SLC26A8: variants seen among roughly 807,000 people sequenced by gnomAD.
SLC26A8 encodes solute carrier family 26 member 8, also known as testis anion transporter 1.
A neutral mutation model predicts 105.0 loss-of-function variants in SLC26A8; 70 were observed. The ratio of observed to expected loss-of-function variants is 0.67; its 90% confidence interval spans 0.55 to 0.81. The LOEUF (loss-of-function observed/expected upper bound fraction) is 0.81, where lower values mean the gene tolerates loss of function less well. Ranked by LOEUF, SLC26A8 falls within the 40% of genes least tolerant of loss-of-function variation. The pLI, the probability that SLC26A8 is intolerant of heterozygous loss-of-function variation, is 0.00. For synonymous variants in SLC26A8, 415 were observed against 438.3 expected (o/e 0.95, Z 0.66); for missense variants, 998 against 1,181.8 (o/e 0.84, Z 2.28).
chr6:35,967,183 T>A (rs187068956), intron 11 of SLC26A8, among the ~76,000 whole-genome samples: 2 of 152,234 alleles, frequency 1.3e-5, no homozygotes, highest in Admixed American at 6.5e-5. Context: ...GGTCCTTGAA[T>A]CATATGAGCA....
chr6:35,982,153 G>A lies in SLC26A8; in HGVS notation c.993C>T (p.Thr331=). 6.2e-7 allele frequency: 1 copy of A among 1,614,148 alleles called. No homozygotes were observed. The highest frequency in any genetic ancestry group is 1.3e-5 in the African/African-American group (1 of 75,040). Residue 331 remains threonine (T), a synonymous_variant, in exon 8 of 20, where the codon ACC becomes ACT. Transcript: ENST00000490799. The part of the protein sequence containing the change: ...IANKISMATE[T]SQTLIDMIPY... ...GAATCATGTCAATAAGCGTCTGGCT[G>A]GTTTCTGTGGCCATGCTTATCTTGT...
In SLC26A8 at chr6:35,992,662, C is replaced by A. The variant is rs150075304; in HGVS notation, c.640G>T (p.Val214Leu). The change falls in exon 6 of 20, where the codon GTA becomes TTA. Residue 214 changes from valine (V) to leucine (L), a missense_variant. Physicochemically the swap from Val to Leu is conservative, Grantham distance 32. Transcript: ENST00000490799. Reference sequence around the variant, plus strand: ...GTGGCAATGAAGCCCAAACCCAATACGCCCATTATTAGCTGCAGAGAAGAG... The same window carrying A: ...GTGGCAATGAAGCCCAAACCCAATAAGCCCATTATTAGCTGCAGAGAAGAG... ...LTGIIQLIMG[V>L]LGLGFIATYL... is the part of the protein sequence containing the mutation. 1 of 1,609,932 alleles carries A rather than the reference C, an allele frequency of 6.2e-7. No homozygotes were observed. Among genetic ancestry groups the A allele is most frequent in the Non-Finnish European group, 8.5e-7 (1 of 1,178,496 alleles).
intron 16 of SLC26A8, among the ~76,000 whole-genome samples, chr6:35,956,752 T>C (rs1054423327): frequency 1.3e-5 from 2 of 151,942 alleles, no homozygotes; most frequent in East Asian, 1.9e-4. Context: ...AAATTCCATC[T>C]CTACTAAAAA....
intron 19 of SLC26A8, among the ~76,000 whole-genome samples, chr6:35,945,448 G>A (rs1771627644): frequency 6.6e-6 from 1 of 152,314 alleles, no homozygotes; most frequent in African/African-American, 2.4e-5. Flanking sequence ...GGCTGTGTGT[G>A]ACCTGGCCTC....
At chr6:35,968,609 G>GTATATATA (rs55987809) in intron 11 of SLC26A8, among the ~76,000 whole-genome samples, 66 of 60,044 alleles carry the variant, frequency 1.1e-3, no homozygotes, top group African/African-American at 2.3e-3. Context: ...GTGTGTGTGT[G>GTATATATA]TATATATATA....
At position 35,997,919 on chromosome 6, in the gene SLC26A8, C is replaced by A. The variant is rs552935865; in HGVS notation, c.446G>T (p.Gly149Val). ...CAGAGCACTCACCAGGAAGAAGGAA[C>A]CTGTGGAAGAAGATGTTAGGTAGAA... ...IFGSCHQMSI[G>V]SFFLVSALLI... Residue 149 changes from glycine (G) to valine (V), a missense_variant and splice_region_variant, in exon 5 of 20, where the codon GGT (glycine) becomes GTT (valine). By Grantham distance (109) the Gly-to-Val change is moderately radical. Transcript: ENST00000490799. 1.9e-6 allele frequency: 3 copies of A among 1,613,208 alleles called. No homozygotes were observed. Among genetic ancestry groups the A allele is most frequent in the African/African-American group, 2.7e-5 (2 of 74,968 alleles).
At chr6:36,013,756 C>T (rs1761925446) in intron 2 of SLC26A8, among the ~76,000 whole-genome samples, 2 of 152,238 alleles carry the variant, frequency 1.3e-5, no homozygotes, top group Admixed American at 1.3e-4. Context: ...GTAAACTGAG[C>T]TAGATAATTG....
intron 3 of SLC26A8, 106 bp from the exon 4 acceptor site, chr6:36,000,214 A>C (rs903332619): frequency 8.6e-6 from 6 of 697,100 alleles, no homozygotes; most frequent in Middle Eastern, 2.5e-4. Flanking sequence ...TGTATAGCTG[A>C]CTGAGTGTGG....
intron 7 of SLC26A8, among the ~76,000 whole-genome samples, chr6:35,990,909 A>C (rs561982663): frequency 4.6e-5 from 7 of 152,268 alleles, no homozygotes; most frequent in Non-Finnish European, 8.8e-5. Context: ...GGAAAAAAAA[A>C]CCTTATCCTT....
chr6:36,023,667 CCT>C (rs1274509586), intron 1 of SLC26A8, among the ~76,000 whole-genome samples: 1 of 152,018 alleles, frequency 6.6e-6, no homozygotes, highest in Non-Finnish European at 1.5e-5. Flanking sequence ...ATATCTTCCC[CCT>C]GATATTGTTA....
rs1163942513 is a variant in SLC26A8, at chr6:35,962,525, C to A, written c.1461+1G>T. 3.7e-6 allele frequency: 6 copies of A among 1,613,458 alleles called. No individual in the cohort carries two copies. In the South Asian group the frequency reaches 6.6e-5, roughly 18 times the overall value. On this transcript the variant is annotated splice_donor_variant, in intron 12 of 19. Coordinates refer to ENST00000490799, the MANE Select transcript of SLC26A8 (RefSeq NM_052961.4). LOFTEE classifies it high-confidence loss of function. The stretch of plus-strand genomic sequence containing the variant: ...TCCTCAGCCAGGGCATCTACACTCA[C>A]ACAGTCATATTGGTCCTGCCTCCAC...
Position 35,977,289 on chromosome 6 carries a change from G to C in SLC26A8, c.1088C>G (p.Ser363Cys). Residue 363 changes from serine (S) to cysteine (C), a missense_variant, in exon 9 of 20, where the codon TCC (serine) becomes TGC (cysteine). By Grantham distance (112) the Ser-to-Cys change is moderately radical (BLOSUM62 -1). Coordinates refer to ENST00000490799, the MANE Select transcript of SLC26A8 (RefSeq NM_052961.4). ...LLPKIILQAF[S>C]LSLVSSFLLI... is the part of the protein sequence containing the mutation. ...CAGAAAGGAGCTCACCAAAGATAAG[G>C]AGAAGGCTTGTAAAATTATCTTGGG... 1 of 1,614,084 alleles carries C rather than the reference G, an allele frequency of 6.2e-7. No individual in the cohort carries two copies. Among genetic ancestry groups the C allele is most frequent in the Non-Finnish European group, 8.5e-7 (1 of 1,180,004 alleles).
At chr6:36,002,785 A>G (rs1480982909) in intron 3 of SLC26A8, among the ~76,000 whole-genome samples, 8 of 150,976 alleles carry the variant, frequency 5.3e-5, no homozygotes, top group Non-Finnish European at 1.5e-5. Context: ...GCTTGCTGCA[A>G]CCTCCACCTC....
rs557232547 is a variant in SLC26A8, at chr6:35,991,935, T to C, written c.793-127A>G. 10 of 914,200 alleles carry C rather than the reference T, an allele frequency of 1.1e-5. No homozygotes were observed. In the East Asian group the frequency reaches 2.6e-4, roughly 24 times the overall value. 56.6% of individuals were successfully genotyped at this position (914,200 alleles called of 1,614,324 possible). A position where few individuals can be genotyped will look rare whatever the true frequency, so the allele number is the denominator to read the frequency against. ...GAGTTTCTGGGTACAAAGGTCTTTA[T>C]GGGTATTACTAGAACAGTGAGGGCA... On this transcript the variant is annotated intron_variant, in intron 6 of 19. Transcript: ENST00000490799.
chr6:35,955,850 T>C (rs1050746645), intron 16 of SLC26A8, among the ~76,000 whole-genome samples: 5 of 152,314 alleles, frequency 3.3e-5, no homozygotes, highest in Admixed American at 6.5e-5. Context: ...TGCCTACTAA[T>C]ACTTTGTGTG....
At chr6:35,966,774 CTTA>C (rs1413946056) in intron 11 of SLC26A8, among the ~76,000 whole-genome samples, 1 of 152,088 alleles carries the variant, frequency 6.6e-6, no homozygotes, top group East Asian at 1.9e-4. Flanking sequence ...TTCCATTGAT[CTTA>C]TTATAATCAC....
At chr6:35,969,224 T>C in intron 10 of SLC26A8, 3 of 405,620 alleles carry the variant, frequency 7.4e-6, no homozygotes, top group Non-Finnish European at 1.4e-5. Context: ...TTACTGCCAC[T>C]GCTCTGTGCT....
chr6:35,947,951 CAT>C (rs1414429224), intron 19 of SLC26A8, among the ~76,000 whole-genome samples: 4 of 151,902 alleles, frequency 2.6e-5, no homozygotes, highest in Non-Finnish European at 5.9e-5. Flanking sequence ...AAAAGTAAAA[CAT>C]ATAAAGTATC....
chr6:35,944,474 C>T, intron 19 of SLC26A8, 134 bp from the exon 20 acceptor site: 1 of 521,346 alleles, frequency 1.9e-6, no homozygotes, highest in Non-Finnish European at 3.4e-6. Flanking sequence ...AGTTCAAGGC[C>T]AGCCTGGGCA....
Sources: gnomAD v4.1 joint callset for allele counts (sites outside exome capture counted in the v4.1 genomes callset) on GRCh38, gnomAD v4.1.1 for gene constraint, MANE v1.5 for transcripts, NCBI Gene and HGNC (gene_info 2026-07-23, HGNC 2026-07-21) for gene names.